The following DHX34 variants were observed in gnomAD, a reference collection of about 807,000 sequenced individuals.
DHX34 encodes DExH-box helicase 34.
Under a neutral mutation model 111.1 loss-of-function variants are expected in DHX34, and 96 were observed. The observed-to-expected ratio is 0.86, with a 90% confidence interval of 0.73 to 1.02. The LOEUF (loss-of-function observed/expected upper bound fraction) is 1.02, where lower values mean the gene tolerates loss of function less well. DHX34 is among the 50% of genes least tolerant of loss of function. The pLI is 0.00. For synonymous variants in DHX34, 688 were observed against 670.4 expected, an observed-to-expected ratio of 1.03 and a Z score of -0.41; for missense variants, 1,560 against 1,579.9, an observed-to-expected ratio of 0.99 and a Z score of 0.21.
chr19:47,371,902 C>T (rs562695672), intron 7 of DHX34, among the ~76,000 whole-genome samples: 1 of 151,726 alleles, frequency 6.6e-6, no homozygotes, highest in South Asian at 2.1e-4. Flanking sequence ...ACGGTGGGGG[C>T]GGGTCAGACA....
intron 8 of DHX34, 67 bp from the exon 9 acceptor site, chr19:47,373,532 C>T: frequency 2.6e-6 from 4 of 1,556,806 alleles, no homozygotes; most frequent in Non-Finnish European, 3.5e-6. Context: ...GCTCTGGGTG[C>T]TCGGTCAGCC....
intron 7 of DHX34, among the ~76,000 whole-genome samples, chr19:47,367,864 C>G (rs1969839172): frequency 7.2e-6 from 1 of 139,366 alleles, no homozygotes; most frequent in African/African-American, 2.8e-5. Context: ...CCATTGTACT[C>G]TAGCCTGGGC....
intron 1 of DHX34, among the ~76,000 whole-genome samples, chr19:47,350,858 G>T (rs1448507889): frequency 6.6e-6 from 1 of 152,134 alleles, no homozygotes; most frequent in African/African-American, 2.4e-5. Context: ...GATGCGAGCT[G>T]ACTAGGACAG....
At chr19:47,377,552 CAG>C (rs768050259) in intron 13 of DHX34, among the ~76,000 whole-genome samples, 2 of 122,340 alleles carry the variant, frequency 1.6e-5, no homozygotes, top group South Asian at 2.3e-4. Context: ...AGGGTGGACA[CAG>C]GGTGTGGTAC....
chr19:47,362,379 G>A lies in DHX34; in HGVS notation c.1376-97G>A. 2 of 1,390,912 alleles carry A rather than the reference G, an allele frequency of 1.4e-6. 1 individual carries two copies. The highest frequency in any genetic ancestry group is 3.3e-5 in the South Asian group (2 of 60,182). The allele number at this position is 1,390,912 out of a possible 1,614,324, so 86.2% of individuals were successfully genotyped here. A position where few individuals can be genotyped will look rare whatever the true frequency, so the allele number is the denominator to read the frequency against. ...CAGTTAGCATTAACAGAATAAAGGAGTAAGTGAGGGTGTTGGCGAGTGACA... is the reference window on the plus strand; with the variant it reads ...CAGTTAGCATTAACAGAATAAAGGAATAAGTGAGGGTGTTGGCGAGTGACA... On this transcript the variant is annotated intron_variant, in intron 5 of 16. Transcript: ENST00000328771.
At chr19:47,371,169 A>G (rs909123908) in intron 7 of DHX34, among the ~76,000 whole-genome samples, 1 of 152,168 alleles carries the variant, frequency 6.6e-6, no homozygotes, top group Non-Finnish European at 1.5e-5. Flanking sequence ...TGGGCCCAGG[A>G]GGCTCCTGAG....
At position 47,358,071 on chromosome 19, in the gene DHX34, G is replaced by C. The variant is rs772070341; in HGVS notation, c.1223G>C (p.Trp408Ser). ...ACCTATGCCAGCCACACCCAGCGCT[G>C]GGTGGTACTGCCACTGCACAGCGCC... The part of the protein sequence containing the change: ...AQTYASHTQR[W>S]VVLPLHSALS... The change falls in exon 4 of 17, where the codon TGG becomes TCG. Residue 408 changes from tryptophan to serine, a missense_variant. Coordinates refer to ENST00000328771, the MANE Select transcript of DHX34 (RefSeq NM_014681.6). 6.2e-7 allele frequency: 1 copy of C among 1,612,902 alleles called. No individual in the cohort carries two copies. Among genetic ancestry groups the C allele is most frequent in the South Asian group, 1.1e-5 (1 of 91,064 alleles).
At chr19:47,377,253 C>T (rs373325231) in intron 13 of DHX34, 47 bp downstream of exon 13, 17 of 1,570,230 alleles carry the variant, frequency 1.1e-5, no homozygotes, top group African/African-American at 8.1e-5. Flanking sequence ...ATGAGAGCTG[C>T]GTTGCCCAGG....
At chr19:47,366,948 C>T (rs1221220147) in intron 6 of DHX34, 33 bp from the exon 7 acceptor site, 4 of 1,522,130 alleles carry the variant, frequency 2.6e-6, no homozygotes, top group Non-Finnish European at 3.5e-6. Flanking sequence ...CTCTTGTGTT[C>T]CCCAATCTTG....
intron 7 of DHX34, among the ~76,000 whole-genome samples, chr19:47,369,567 A>G (rs1969903653): frequency 6.6e-6 from 1 of 152,192 alleles, no homozygotes; most frequent in African/African-American, 2.4e-5. Flanking sequence ...GGAGATGGAC[A>G]GGGGCAGATA....
At position 47,379,821 on chromosome 19, in the gene DHX34, C is replaced by T. The variant is rs76246089; in HGVS notation, c.2818C>T (p.Leu940=). Residue 940 remains leucine (L), a synonymous_variant, in exon 14 of 17, where the codon CTG becomes TTG. Coordinates refer to ENST00000328771, the MANE Select transcript of DHX34 (RefSeq NM_014681.6). ...LADSESAIRL[L]AASLRLRARW... ...AGACAGTGAAAGTGCCATCCGACTC[C>T]TGGCGGCTTCCCTGCGGCTCCGTGC... 5 of 1,613,858 alleles carry T rather than the reference C, an allele frequency of 3.1e-6. No individual in the cohort carries two copies. Among genetic ancestry groups the T allele is most frequent in the Admixed American group, 3.3e-5 (2 of 60,026 alleles).
chr19:47,357,234 G>A (rs971228837), intron 3 of DHX34, among the ~76,000 whole-genome samples: 1 of 152,082 alleles, frequency 6.6e-6, no homozygotes, highest in African/African-American at 2.4e-5. Flanking sequence ...TATTTTTCTT[G>A]TTGAAGCTAC....
intron 7 of DHX34, among the ~76,000 whole-genome samples, chr19:47,372,109 C>T (rs1334766927): frequency 6.6e-6 from 1 of 151,356 alleles, no homozygotes; most frequent in Non-Finnish European, 1.5e-5. Context: ...CTCTCTGTGG[C>T]CTCCCCTCTG....
Position 47,379,804 on chromosome 19 carries a change from A to C in DHX34, c.2801A>C (p.Glu934Ala), listed in dbSNP as rs1438679654. The stretch of plus-strand genomic sequence containing the variant: ...CTGGAGCTGCAGCTAGCAGACAGTG[A>C]AAGTGCCATCCGACTCCTGGCGGCT... ...GWLELQLADSESAIRLLAASL... is the reference protein window; with the variant it reads ...GWLELQLADSASAIRLLAASL... Residue 934 changes from glutamate to alanine, a missense_variant, in exon 14 of 17, where the codon GAA becomes GCA. Coordinates refer to ENST00000328771, the MANE Select transcript of DHX34 (RefSeq NM_014681.6). 1 of 1,613,790 alleles carries C rather than the reference A, an allele frequency of 6.2e-7. No individual in the cohort carries two copies. The highest frequency in any genetic ancestry group is 8.5e-7 in the Non-Finnish European group (1 of 1,179,806).
intron 7 of DHX34, among the ~76,000 whole-genome samples, chr19:47,368,075 A>G (rs1448623876): frequency 2.0e-5 from 3 of 151,124 alleles, no homozygotes; most frequent in Admixed American, 6.6e-5. Context: ...TGGACCAGCC[A>G]TGTTCAACTG....
intron 10 of DHX34, 66 bp from the exon 11 acceptor site, chr19:47,375,858 G>T: frequency 1.3e-6 from 2 of 1,543,356 alleles, no homozygotes; most frequent in East Asian, 4.6e-5. Context: ...AGAGCCTGGG[G>T]GTCTGCGGAT....
chr19:47,363,303 C>G (rs1969691595), intron 6 of DHX34, among the ~76,000 whole-genome samples: 1 of 151,930 alleles, frequency 6.6e-6, no homozygotes, highest in South Asian at 2.1e-4. Context: ...GTTGCCCAGG[C>G]TGGTCTCAAA....
rs377076408 is a variant in DHX34, at chr19:47,353,746, C to T, written c.705+11C>T. 28 of 1,545,146 alleles carry T rather than the reference C, an allele frequency of 1.8e-5. No individual in the cohort carries two copies. Among genetic ancestry groups the T allele is most frequent in the Middle Eastern group, 2.0e-4 (1 of 5,084 alleles). On this transcript the variant is annotated intron_variant, in intron 2 of 16. Coordinates refer to ENST00000328771, the MANE Select transcript of DHX34 (RefSeq NM_014681.6). The surrounding 1 kb of genome is among the most constrained non-coding windows in gnomAD (Gnocchi z 4.6). ...CAGTATGGCTCACAGGTGAGTGGGA[C>T]GCACCAGGTTTCCGATTTTTCCAGC...
intron 7 of DHX34, among the ~76,000 whole-genome samples, chr19:47,367,760 C>T (rs906293353): frequency 6.6e-6 from 1 of 151,602 alleles, no homozygotes; most frequent in African/African-American, 2.4e-5. Context: ...TGGTGGCACA[C>T]GCCTGTAATC....
Sources: allele counts gnomAD v4.1 joint callset (sites outside exome capture counted in the v4.1 genomes callset), GRCh38; gene constraint gnomAD v4.1.1; non-coding constraint Gnocchi (gnomAD v3.1); transcripts MANE v1.5; gene names NCBI Gene and HGNC (gene_info 2026-07-23, HGNC 2026-07-21).